Variants in DCUN1D3 observed in about 807,000 individuals in gnomAD.
The protein encoded by DCUN1D3 is DCN1-like protein 3.
In DCUN1D3, 6 loss-of-function variants were observed where a neutral mutation model predicts 24.8. That is an observed-to-expected ratio of 0.24 (90% CI 0.13 to 0.48). The LOEUF (loss-of-function observed/expected upper bound fraction) is 0.48. Among genes scored for constraint, DCUN1D3 ranks in the 20% least tolerant of loss-of-function variants. The pLI, the probability that DCUN1D3 is intolerant of heterozygous loss-of-function variation, is 0.99. For synonymous variants in DCUN1D3, 120 were observed against 144.9 expected (o/e 0.83, Z 1.24); for missense variants, 258 against 379.4 (o/e 0.68, Z 2.66).
intron 1 of DCUN1D3, among the ~76,000 whole-genome samples, chr16:20,867,913 C>G (rs1307887392): frequency 6.6e-6 from 1 of 152,230 alleles, no homozygotes; most frequent in Non-Finnish European, 1.5e-5. Context: ...GAGGATCAGA[C>G]TCTCCACAAC....
At chr16:20,872,871 A>G (rs1042353561) in intron 1 of DCUN1D3, among the ~76,000 whole-genome samples, 7 of 152,254 alleles carry the variant, frequency 4.6e-5, no homozygotes, top group African/African-American at 1.7e-4. Flanking sequence ...CAATCCCAGC[A>G]CTTTGGGAGG....
At chr16:20,895,761 CAATT>C (rs776690218) in intron 1 of DCUN1D3, among the ~76,000 whole-genome samples, 1 of 152,192 alleles carries the variant, frequency 6.6e-6, no homozygotes, top group Non-Finnish European at 1.5e-5. Flanking sequence ...GACACTAACT[CAATT>C]AACCCTGGTC....
rs142243689 is a variant in DCUN1D3 at position 20,881,975 on chromosome 16, G to A, written c.-106+18229C>T. On this transcript the variant is annotated intron_variant, in intron 1 of 2. Transcript: ENST00000324344. ...ATGGTACCACGCCCAGCTAATTCTTGTATTTTTAGTTGAGATGGGGTTTTG... is the reference window on the plus strand; with the variant it reads ...ATGGTACCACGCCCAGCTAATTCTTATATTTTTAGTTGAGATGGGGTTTTG... Among the ~76,000 whole-genome samples, 148 of 151,932 alleles carry A rather than the reference G, an allele frequency of 9.7e-4. 1 individual carries two copies. The highest frequency in any genetic ancestry group is 6.8e-3 in the East Asian group (35 of 5,120).
chr16:20,883,987 T>G (rs1175065316), intron 1 of DCUN1D3, among the ~76,000 whole-genome samples: 1 of 152,206 alleles, frequency 6.6e-6, no homozygotes, highest in Non-Finnish European at 1.5e-5. Flanking sequence ...GGCTTTATTT[T>G]AGGAGTGAAA....
intron 1 of DCUN1D3, among the ~76,000 whole-genome samples, chr16:20,894,321 T>C (rs529521453): frequency 6.6e-6 from 1 of 152,242 alleles, no homozygotes; most frequent in South Asian, 2.1e-4. Context: ...GCAGGTTTTT[T>C]CAACACTTTC....
At chr16:20,872,530 A>AC (rs1161601966) in intron 1 of DCUN1D3, among the ~76,000 whole-genome samples, 2 of 152,052 alleles carry the variant, frequency 1.3e-5, no homozygotes, top group African/African-American at 4.8e-5. Flanking sequence ...CTTTTTCCCC[A>AC]CGATGGAGGT....
rs148784966 is a variant in DCUN1D3, at chr16:20,890,436, C to T, written c.-106+9768G>A. Among the ~76,000 whole-genome samples, 42 of 151,802 alleles carry T rather than the reference C, an allele frequency of 2.8e-4. 1 individual carries two copies. In the East Asian group the frequency reaches 3.7e-3, roughly 13 times the overall value. ...TGAGGCAGTTTGAGACCAGCCTGGG[C>T]AACAAGCAAGACTCCATCTCTACAA... On this transcript the variant is annotated intron_variant, in intron 1 of 2. Transcript: ENST00000324344.
intron 1 of DCUN1D3, among the ~76,000 whole-genome samples, chr16:20,878,898 C>CA (rs1342071094): frequency 6.6e-6 from 1 of 152,190 alleles, no homozygotes; most frequent in Non-Finnish European, 1.5e-5. Context: ...CTAAAGTCCT[C>CA]AACGGGGCCC....
chr16:20,886,555 G>A (rs1335911488), intron 1 of DCUN1D3, among the ~76,000 whole-genome samples: 1 of 152,166 alleles, frequency 6.6e-6, no homozygotes, highest in Non-Finnish European at 1.5e-5. Context: ...CCAGAAACCA[G>A]GAGAAAGAGA....
At chr16:20,884,125 C>T (rs1043025675) in intron 1 of DCUN1D3, among the ~76,000 whole-genome samples, 1 of 152,116 alleles carries the variant, frequency 6.6e-6, no homozygotes, top group African/African-American at 2.4e-5. Context: ...CCTTCTGACT[C>T]TGTTATATGT....
At chr16:20,870,348 C>T (rs1171886844) in intron 1 of DCUN1D3, among the ~76,000 whole-genome samples, 2 of 152,172 alleles carry the variant, frequency 1.3e-5, no homozygotes, top group African/African-American at 4.8e-5. Context: ...AGGGCTACTC[C>T]AATCTGAACA....
intron 1 of DCUN1D3, among the ~76,000 whole-genome samples, chr16:20,873,330 G>A (rs2081798856): frequency 6.6e-6 from 1 of 152,138 alleles, no homozygotes; most frequent in Non-Finnish European, 1.5e-5. Context: ...AAAAGAAGAG[G>A]ACAAAGATGA....
Position 20,860,374 on chromosome 16 carries a change from A to G in DCUN1D3, c.432-5T>C. On this transcript the variant is annotated splice_polypyrimidine_tract_variant and splice_region_variant and intron_variant, in intron 2 of 2. Coordinates refer to ENST00000324344, the MANE Select transcript of DCUN1D3 (RefSeq NM_173475.4). The surrounding 1 kb of genome is among the most constrained non-coding windows in gnomAD (Gnocchi z 4.3). ...CAGCCATCAAAAAACTCCTTCCTGCAACAGAAAGGAAAAGGACAATTAATC... is the reference window on the plus strand; with the variant it reads ...CAGCCATCAAAAAACTCCTTCCTGCGACAGAAAGGAAAAGGACAATTAATC... The G allele has an allele frequency of 6.2e-7, 1 of 1,607,202 alleles. No homozygotes were observed.
At chr16:20,870,661 C>G (rs573962316) in intron 1 of DCUN1D3, among the ~76,000 whole-genome samples, 1 of 152,300 alleles carries the variant, frequency 6.6e-6, no homozygotes, top group East Asian at 1.9e-4. Context: ...CAGAAGGGAC[C>G]AATCCATTCC....
chr16:20,883,234 C>T (rs141635162), intron 1 of DCUN1D3, among the ~76,000 whole-genome samples: 2 of 152,260 alleles, frequency 1.3e-5, no homozygotes, highest in South Asian at 2.1e-4. Context: ...TTGTTCTGGC[C>T]GGATGCGGTG....
intron 1 of DCUN1D3, among the ~76,000 whole-genome samples, chr16:20,890,659 G>A (rs2081888366): frequency 6.6e-6 from 1 of 152,076 alleles, no homozygotes; most frequent in East Asian, 1.9e-4. Context: ...AACAGGTGGG[G>A]TCTGTGCTAA....
chr16:20,888,746 A>G lies in DCUN1D3; in HGVS notation c.-106+11458T>C, dbSNP rs375567938. Among the ~76,000 whole-genome samples the G allele has an allele frequency of 3.9e-5, 6 of 152,204 alleles. No homozygotes were observed. In the South Asian group the frequency reaches 6.2e-4, roughly 16 times the overall value. On this transcript the variant is annotated intron_variant, in intron 1 of 2. Coordinates refer to ENST00000324344, the MANE Select transcript of DCUN1D3 (RefSeq NM_173475.4). ...GCTAGGACTACAGGCATGAGCCACC[A>G]TGCCTGGCCCACTATGTATATCTAA...
chr16:20,895,594 C>G (rs1433763309), intron 1 of DCUN1D3, among the ~76,000 whole-genome samples: 1 of 152,104 alleles, frequency 6.6e-6, no homozygotes, highest in Non-Finnish European at 1.5e-5. Flanking sequence ...CCCAGGATAC[C>G]AAGGGGATGT....
At chr16:20,877,510 GGC>G (rs2081821995) in intron 1 of DCUN1D3, among the ~76,000 whole-genome samples, 1 of 152,154 alleles carries the variant, frequency 6.6e-6, no homozygotes, top group Admixed American at 6.5e-5. Context: ...TGTGCACCTA[GGC>G]TATGTGGCAC....
Sources: allele counts gnomAD v4.1 joint callset (sites outside exome capture counted in the v4.1 genomes callset), GRCh38; gene constraint gnomAD v4.1.1; non-coding constraint Gnocchi (gnomAD v3.1); transcripts MANE v1.5; gene names NCBI Gene and HGNC (gene_info 2026-07-23, HGNC 2026-07-21).